Variants in IFT27 observed in about 807,000 individuals in gnomAD.
IFT27 encodes the protein intraflagellar transport protein 27 homolog.
In IFT27, 19 loss-of-function variants were observed where a neutral mutation model predicts 23.9. The ratio of observed to expected loss-of-function variants is 0.79; its 90% CI spans 0.55 to 1.16. IFT27 has a LOEUF of 1.16. Ranked by LOEUF, IFT27 falls within the 50% of genes most tolerant of loss-of-function variation. The pLI is 0.00. For synonymous variants in IFT27, 91 were observed against 89.1 expected (o/e 1.02, Z -0.12); for missense variants, 206 against 228.7 (o/e 0.90, Z 0.64).
intron 1 of IFT27, 189 bp from the exon 2 acceptor site, chr22:36,768,051 C>A (rs548121326): frequency 2.9e-6 from 2 of 698,692 alleles, no homozygotes; most frequent in Non-Finnish European, 2.7e-6. Flanking sequence ...GCAAACCTCA[C>A]AACAGCCAGA....
At chr22:36,761,815 C>T (rs1266963768) in intron 6 of IFT27, 4 of 152,082 alleles carry the variant, frequency 2.6e-5, no homozygotes, top group Non-Finnish European at 5.9e-5. Flanking sequence ...TTTATAAGCT[C>T]GGACGGCAGC....
intron 1 of IFT27, chr22:36,768,144 G>A (rs1215599383): frequency 1.8e-6 from 1 of 559,750 alleles, no homozygotes. Flanking sequence ...TTGGGGCCCT[G>A]GAAACGGAAC....
At chr22:36,760,587 G>A (rs1028558862) in intron 6 of IFT27, 6 of 152,168 alleles carry the variant, frequency 3.9e-5, no homozygotes, top group African/African-American at 1.4e-4. Flanking sequence ...CCCACAGCAG[G>A]CTCCGCAGGA....
At chr22:36,766,373 G>T (rs966649172) in intron 3 of IFT27, 176 bp from the exon 4 acceptor site, 2 of 616,254 alleles carry the variant, frequency 3.2e-6, no homozygotes, top group East Asian at 2.8e-5. Flanking sequence ...GGAAAGGAGC[G>T]AACTCCAGAG....
chr22:36,774,054 A>C (rs1938444769), intron 1 of IFT27, among the ~76,000 whole-genome samples: 2 of 152,336 alleles, frequency 1.3e-5, no homozygotes, highest in South Asian at 2.1e-4. Flanking sequence ...AGGAAATTAA[A>C]GCTCAAAAAG....
At position 36,768,065 on chromosome 22, in the gene IFT27, C is replaced by T. The variant is rs773151730; in HGVS notation, c.35-203G>A. On this transcript the variant is annotated intron_variant, in intron 1 of 6. Transcript: ENST00000433985. ...TGCAAACCTCACAACAGCCAGAGCA[C>T]ACTTCTGCACGGCTAAGCCTTTTAT... 4.4e-6 allele frequency: 3 copies of T among 686,822 alleles called. No individual in the cohort carries two copies. The South Asian group carries it at 4.5e-5, about 10-fold the overall frequency. 42.5% of individuals were successfully genotyped at this position (686,822 alleles called of 1,614,324 possible).
chr22:36,769,685 C>T (rs548445843), intron 1 of IFT27, among the ~76,000 whole-genome samples: 1 of 152,264 alleles, frequency 6.6e-6, no homozygotes, highest in Non-Finnish European at 1.5e-5. Flanking sequence ...TCCTCACCGC[C>T]TTCCATGACA....
chr22:36,763,919 C>A lies in IFT27; in HGVS notation c.352G>T (p.Gly118Cys). 6.2e-7 allele frequency: 1 copy of A among 1,606,760 alleles called. No homozygotes were observed. The highest frequency in any genetic ancestry group is 8.5e-7 in the Non-Finnish European group (1 of 1,173,284). The change falls in exon 5 of 7, where the codon GGT (glycine) becomes TGT (cysteine). Residue 118 changes from glycine to cysteine, a missense_variant and splice_region_variant. Gly to Cys is a radical substitution (Grantham distance 159). Coordinates refer to ENST00000433985, the MANE Select transcript of IFT27 (RefSeq NM_001177701.3). The part of the protein sequence containing the change: ...RSQAPGISLP[G>C]VLVGNKTDLA... ...AAACATGGGTGTCTGCAGCCCGTAC[C>A]TGGGAGAGAGATGCCTGGAGCCTGT...
At chr22:36,768,083 C>T (rs1160937404) in intron 1 of IFT27, 5 of 667,398 alleles carry the variant, frequency 7.5e-6, no homozygotes, top group South Asian at 6.0e-5. Flanking sequence ...CACGGCTAAG[C>T]CTTTTATCCA....
intron 1 of IFT27, among the ~76,000 whole-genome samples, chr22:36,770,417 G>A (rs546632397): frequency 4.6e-5 from 7 of 152,126 alleles, no homozygotes; most frequent in South Asian, 2.1e-4. Context: ...CATCGGCGGC[G>A]CTCTGCTCCT....
intron 1 of IFT27, among the ~76,000 whole-genome samples, chr22:36,771,807 C>T (rs773323865): frequency 4.4e-4 from 67 of 152,270 alleles, no homozygotes; most frequent in Middle Eastern, 6.8e-3. Flanking sequence ...TTTTTTCTCC[C>T]GGCTGTTATC....
intron 1 of IFT27, among the ~76,000 whole-genome samples, chr22:36,772,204 G>C (rs1289991228): frequency 6.6e-6 from 1 of 152,196 alleles, no homozygotes; most frequent in African/African-American, 2.4e-5. Flanking sequence ...TGATGTCAGA[G>C]CAACCCTCCC....
At chr22:36,765,266 A>T (rs1938214479) in intron 4 of IFT27, among the ~76,000 whole-genome samples, 1 of 152,132 alleles carries the variant, frequency 6.6e-6, no homozygotes, top group South Asian at 2.1e-4. Context: ...GCATCAAGCT[A>T]AAGCCAGAGC....
chr22:36,775,628 T>G (rs1185243897), intron 1 of IFT27, 46 bp downstream of exon 1: 11 of 1,606,338 alleles, frequency 6.8e-6, no homozygotes, highest in Non-Finnish European at 9.4e-6. Flanking sequence ...ATGAAGGCTC[T>G]GGACTCCAGA....
intron 2 of IFT27, 90 bp downstream of exon 2, chr22:36,767,693 G>A: frequency 8.3e-7 from 1 of 1,198,262 alleles, no homozygotes; most frequent in Non-Finnish European, 1.2e-6. Context: ...GCTGTCTTAA[G>A]GCTTCCCTCA....
chr22:36,772,766 T>C (rs1386377502), intron 1 of IFT27: 1 of 984,946 alleles, frequency 1.0e-6, no homozygotes, highest in Non-Finnish European at 1.2e-6. Flanking sequence ...GGTCCTTCAA[T>C]GACCAGTTAT....
At chr22:36,758,667 T>A (rs1240168721) in intron 6 of IFT27, 2 of 496,010 alleles carry the variant, frequency 4.0e-6, no homozygotes, top group Admixed American at 6.6e-5. Context: ...AACCCATGTC[T>A]GTTTCTACAA....
At chr22:36,759,739 C>T (rs1016492351) in intron 6 of IFT27, 11 of 152,256 alleles carry the variant, frequency 7.2e-5, no homozygotes, top group African/African-American at 2.7e-4. Context: ...GATTTCCAAA[C>T]TGAAGAACGT....
chr22:36,766,291 G>T, intron 3 of IFT27, 94 bp from the exon 4 acceptor site: 2 of 1,041,454 alleles, frequency 1.9e-6, no homozygotes, highest in Non-Finnish European at 1.5e-6. Flanking sequence ...ACTTGTCTTA[G>T]GGGTGAAATA....
Sources: gnomAD v4.1 joint callset for allele counts (sites outside exome capture counted in the v4.1 genomes callset) on GRCh38, gnomAD v4.1.1 for gene constraint, MANE v1.5 for transcripts, NCBI Gene and HGNC (gene_info 2026-07-23, HGNC 2026-07-21) for gene names.